The following CUBN variants were observed in gnomAD, a reference collection of about 807,000 sequenced individuals.
CUBN encodes the protein cubilin, also known as 460 kDa receptor.
CUBN carries 282 observed loss-of-function variants against 405.3 expected under a neutral mutation model. The observed-to-expected ratio is 0.70, with a 90% CI of 0.63 to 0.77. CUBN has a LOEUF of 0.77. CUBN is among the 30% of genes least tolerant of loss of function. CUBN has a pLI of 0.00. For synonymous variants in CUBN, 1,684 were observed against 1,617.0 expected, an observed-to-expected ratio of 1.04 and a Z score of -0.99; for missense variants, 4,514 against 4,475.2, an observed-to-expected ratio of 1.01 and a Z score of -0.25.
intron 64 of CUBN, among the ~76,000 whole-genome samples, chr10:16,833,800 C>G (rs1027295435): frequency 6.6e-6 from 1 of 152,114 alleles, no homozygotes; most frequent in African/African-American, 2.4e-5. Context: ...CTGCCTACAC[C>G]GGTACATTTC....
At chr10:17,040,087 C>A (rs1405138356) in intron 27 of CUBN, among the ~76,000 whole-genome samples, 2 of 152,102 alleles carry the variant, frequency 1.3e-5, no homozygotes, top group African/African-American at 2.4e-5. Flanking sequence ...GGGAATATGA[C>A]CCCAGAGTTG....
chr10:16,829,947 T>G (rs11254233), intron 65 of CUBN, among the ~76,000 whole-genome samples: 21,845 of 151,328 alleles, frequency 0.14, 1,733 homozygotes, highest in African/African-American at 0.17. Context: ...GTTTTGTTTT[T>G]TTTTTTGAGA....
chr10:17,010,471 A>G (rs1361318246), intron 28 of CUBN, among the ~76,000 whole-genome samples: 1 of 150,762 alleles, frequency 6.6e-6, no homozygotes, highest in Non-Finnish European at 1.5e-5. Flanking sequence ...CAAGACCTCA[A>G]CTCTACTAAA....
At chr10:16,855,016 TTC>T (rs797018223) in intron 59 of CUBN, among the ~76,000 whole-genome samples, 3 of 137,454 alleles carry the variant, frequency 2.2e-5, no homozygotes, top group African/African-American at 2.8e-5. Context: ...CTCTCTCTCT[TTC>T]TCTCTCTCTC....
At chr10:16,949,933 TA>T in intron 34 of CUBN, 67 bp downstream of exon 34, 2 of 1,173,638 alleles carry the variant, frequency 1.7e-6, no homozygotes, top group Non-Finnish European at 2.5e-6. Context: ...TGGCAGCCTA[TA>T]AATATGCGGA....
intron 33 of CUBN, among the ~76,000 whole-genome samples, chr10:16,950,369 G>A (rs945173999): frequency 1.3e-5 from 2 of 152,122 alleles, no homozygotes; most frequent in African/African-American, 4.8e-5. Flanking sequence ...CCATTTCCAT[G>A]ATGGGATTAT....
Position 16,824,280 on chromosome 10 carries a change from T to C in CUBN, c.*695A>G, listed in dbSNP as rs1235050289. On this transcript the variant is annotated 3_prime_UTR_variant, in exon 67 of 67. Coordinates refer to ENST00000377833, the MANE Select transcript of CUBN (RefSeq NM_001081.4). ...GTTGCCCAGGCTGGTCTCAAACTCC[T>C]AGGTTCAAGCAATCCTCCCATCATG... is the stretch of plus-strand genomic sequence containing the variant. 6.6e-6 allele frequency: 1 copy of C among 152,176 alleles called. No individual in the cohort carries two copies. Among genetic ancestry groups the C allele is most frequent in the Non-Finnish European group, 1.5e-5 (1 of 68,116 alleles). The allele number at this position is 152,176 out of a possible 1,614,324, so 9.4% of individuals were successfully genotyped here.
intron 13 of CUBN, among the ~76,000 whole-genome samples, chr10:17,101,179 T>C (rs189808365): frequency 3.3e-5 from 5 of 152,318 alleles, no homozygotes; most frequent in Non-Finnish European, 7.4e-5. Flanking sequence ...TAAATGAAAC[T>C]CAAATGTTCA....
chr10:16,990,885 C>T (rs1833564490), intron 28 of CUBN, among the ~76,000 whole-genome samples: 1 of 152,036 alleles, frequency 6.6e-6, no homozygotes, highest in Non-Finnish European at 1.5e-5. Flanking sequence ...ACCGTGTGAG[C>T]CGTGGTCGTG....
intron 17 of CUBN, among the ~76,000 whole-genome samples, chr10:17,081,037 G>A (rs916404221): frequency 1.4e-5 from 2 of 139,794 alleles, no homozygotes; most frequent in Non-Finnish European, 3.2e-5. Context: ...ACATGTTAAT[G>A]TGTGTTCCTT....
At chr10:17,051,803 G>C (rs1835274991) in intron 22 of CUBN, among the ~76,000 whole-genome samples, 1 of 150,960 alleles carries the variant, frequency 6.6e-6, no homozygotes, top group Non-Finnish European at 1.5e-5. Context: ...AAAAAACAAA[G>C]AAAAAACAAC....
At chr10:17,029,081 T>A (rs972745419) in intron 27 of CUBN, among the ~76,000 whole-genome samples, 3 of 152,214 alleles carry the variant, frequency 2.0e-5, no homozygotes, top group African/African-American at 7.2e-5. Flanking sequence ...TAATGGAATT[T>A]TTACTGCTTC....
chr10:17,010,659 T>A (rs55896079), intron 28 of CUBN, among the ~76,000 whole-genome samples: 39,463 of 151,676 alleles, frequency 0.26, 5,772 homozygotes, highest in East Asian at 0.41. Context: ...TAAATAAATA[T>A]ATAAATATCT....
At position 16,851,235 on chromosome 10, in the gene CUBN, C is replaced by T. The variant is rs1839674047; in HGVS notation, c.9663G>A (p.Lys3221=). ...TRQRCLYDYV[K]LYDGDSENAN... ...TGTTAAAAAAATAAAACAGCCTTAC[C>T]TTTACATAATCATAAAGGCATCTTT... Residue 3221 remains lysine (K), a splice_region_variant and synonymous_variant, in exon 60 of 67, where the codon AAG becomes AAA. Coordinates refer to ENST00000377833, the MANE Select transcript of CUBN (RefSeq NM_001081.4). 6.2e-7 allele frequency: 1 copy of T among 1,610,668 alleles called. No homozygotes were observed. Among genetic ancestry groups the T allele is most frequent in the Admixed American group, 1.7e-5 (1 of 59,996 alleles).
At chr10:16,931,480 CATTT>C (rs1842364094) in intron 40 of CUBN, among the ~76,000 whole-genome samples, 1 of 152,162 alleles carries the variant, frequency 6.6e-6, no homozygotes, top group Non-Finnish European at 1.5e-5. Context: ...CACTTTAAAA[CATTT>C]GTGTTGTTTT....
intron 17 of CUBN, among the ~76,000 whole-genome samples, chr10:17,083,806 A>G (rs1356113264): frequency 1.3e-5 from 2 of 152,206 alleles, no homozygotes; most frequent in African/African-American, 4.8e-5. Flanking sequence ...ATAATTTAGC[A>G]TAAGAAATAC....
Position 16,851,366 on chromosome 10 carries a change from T to G in CUBN, c.9532A>C (p.Met3178Leu). Residue 3178 changes from methionine (M) to leucine (L), a missense_variant, in exon 60 of 67, where the codon ATG becomes CTG. This residue lies in a region of CUBN where 1,186 missense variants were observed against 1,186.9 expected (regional missense o/e 1.00). Coordinates refer to ENST00000377833, the MANE Select transcript of CUBN (RefSeq NM_001081.4). Reference protein sequence around the residue: ...FASPDSDSNGMYDKNLNCVWI... With the variant: ...FASPDSDSNGLYDKNLNCVWI... ...ACACAGTTTAAATTCTTGTCATACA[T>G]TCCATTCGAATCAGAATCAGGAGAG... 6.2e-7 allele frequency: 1 copy of G among 1,614,170 alleles called. No homozygotes were observed. Among genetic ancestry groups the G allele is most frequent in the Non-Finnish European group, 8.5e-7 (1 of 1,180,004 alleles).
Position 16,918,651 on chromosome 10 carries a change from T to C in CUBN, c.6971A>G (p.His2324Arg). The change falls in exon 45 of 67, where the codon CAT becomes CGT. Residue 2324 changes from histidine (H) to arginine (R), a missense_variant. Physicochemically the swap from His to Arg is conservative, Grantham distance 29 (BLOSUM62 0). Coordinates refer to ENST00000377833, the MANE Select transcript of CUBN (RefSeq NM_001081.4). ...LRFRSDNSPT[H>R]VGFKAKYSIA... ...AGAATACTTGGCCTTGAATCCCACA[T>C]GTGTGGGGCTGTTGTCAGATCGAAA... The C allele has an allele frequency of 6.2e-7, 1 of 1,613,776 alleles. No individual in the cohort carries two copies. Among genetic ancestry groups the C allele is most frequent in the Non-Finnish European group, 8.5e-7 (1 of 1,179,742 alleles).
At chr10:16,896,101 TG>T (rs1316385978) in intron 54 of CUBN, among the ~76,000 whole-genome samples, 1 of 152,208 alleles carries the variant, frequency 6.6e-6, no homozygotes, top group African/African-American at 2.4e-5. Context: ...TGACCACTTG[TG>T]GAAATGTGAT....
Sources: allele counts gnomAD v4.1 joint callset (sites outside exome capture counted in the v4.1 genomes callset), GRCh38; gene constraint gnomAD v4.1.1; regional missense constraint gnomAD v4.1.1; transcripts MANE v1.5; gene names NCBI Gene and HGNC (gene_info 2026-07-23, HGNC 2026-07-21).